Variants in PRKCB observed in about 807,000 individuals in gnomAD.
The protein encoded by PRKCB is protein kinase C beta type.
A neutral mutation model predicts 81.5 loss-of-function variants in PRKCB; 13 were observed. The observed-to-expected ratio is 0.16, with a 90% CI of 0.10 to 0.25. The LOEUF is 0.25. Ranked by LOEUF, PRKCB falls within the 10% of genes least tolerant of loss-of-function variation. PRKCB has a pLI of 1.00. For missense variants in PRKCB, 509 were observed against 875.7 expected, an observed-to-expected ratio of 0.58 and a Z score of 5.29; for synonymous variants, 335 against 321.4, an observed-to-expected ratio of 1.04 and a Z score of -0.45.
intron 5 of PRKCB, among the ~76,000 whole-genome samples, chr16:24,044,815 G>C (rs915530233): frequency 6.6e-6 from 1 of 152,222 alleles, no homozygotes; most frequent in African/African-American, 2.4e-5. Context: ...CCTTGAACTA[G>C]AGGAACATCT....
rs536622842 is a variant in PRKCB at position 24,215,526 on chromosome 16, C to T, written c.*710C>T. 46 of 985,712 alleles carry T rather than the reference C, an allele frequency of 4.7e-5. No individual in the cohort carries two copies. In the East Asian group the frequency reaches 3.7e-3, roughly 80 times the overall value. 61.1% of individuals were successfully genotyped at this position (985,712 alleles called of 1,614,324 possible). A position where few individuals can be genotyped will look rare whatever the true frequency, so the allele number is the denominator to read the frequency against. ...AACTACTTGAAAAGGGCATTTGGCA[C>T]CACTCTCTGAAACAACACAGTCACT... On this transcript the variant is annotated 3_prime_UTR_variant, in exon 17 of 17. Coordinates refer to ENST00000643927, the MANE Select transcript of PRKCB (RefSeq NM_002738.7).
chr16:24,019,303 C>A (rs1245487354), intron 3 of PRKCB, among the ~76,000 whole-genome samples: 1 of 151,858 alleles, frequency 6.6e-6, no homozygotes, highest in Non-Finnish European at 1.5e-5. Context: ...ATGATCTCGC[C>A]ACTGTGCTCC....
chr16:24,209,228 A>G (rs956645913), intron 16 of PRKCB, among the ~76,000 whole-genome samples: 1 of 152,114 alleles, frequency 6.6e-6, no homozygotes, highest in African/African-American at 2.4e-5. Context: ...AAAAACACGC[A>G]CGGGTCTGCC....
At chr16:24,149,387 A>G (rs539982017) in intron 9 of PRKCB, among the ~76,000 whole-genome samples, 56 of 152,226 alleles carry the variant, frequency 3.7e-4, no homozygotes, top group Non-Finnish European at 7.5e-4. Flanking sequence ...AGAGATTTAT[A>G]TCGAAAATGA....
At chr16:23,984,042 T>C (rs1325293950) in intron 2 of PRKCB, among the ~76,000 whole-genome samples, 2 of 152,204 alleles carry the variant, frequency 1.3e-5, no homozygotes, top group African/African-American at 2.4e-5. Flanking sequence ...AGAAACTTGA[T>C]ACAATGATGG....
intron 3 of PRKCB, among the ~76,000 whole-genome samples, chr16:24,005,267 A>C (rs1965102546): frequency 6.6e-6 from 1 of 152,052 alleles, no homozygotes; most frequent in Non-Finnish European, 1.5e-5. Context: ...GTCAGGTATG[A>C]TAGATTTAAA....
At chr16:24,145,698 C>T (rs1237019010) in intron 9 of PRKCB, among the ~76,000 whole-genome samples, 1 of 152,178 alleles carries the variant, frequency 6.6e-6, no homozygotes, top group Non-Finnish European at 1.5e-5. Flanking sequence ...ATCTTGGGTC[C>T]CTGGCTGTCT....
At chr16:24,181,330 G>A (rs1484949404) in intron 13 of PRKCB, among the ~76,000 whole-genome samples, 2 of 152,152 alleles carry the variant, frequency 1.3e-5, no homozygotes, top group Non-Finnish European at 2.9e-5. Context: ...ATGTCCCTCA[G>A]CAGGAAAATG....
intron 9 of PRKCB, among the ~76,000 whole-genome samples, chr16:24,147,410 C>T (rs1025814136): frequency 6.6e-6 from 1 of 151,974 alleles, no homozygotes; most frequent in Admixed American, 6.5e-5. Context: ...GGGCACATCA[C>T]CAGTGCCTAG....
chr16:24,006,583 T>C (rs1250767832), intron 3 of PRKCB, among the ~76,000 whole-genome samples: 1 of 152,196 alleles, frequency 6.6e-6, no homozygotes, highest in Non-Finnish European at 1.5e-5. Context: ...GGAAAGGAAT[T>C]CATTGGAAAA....
At chr16:23,843,464 G>A (rs1467654002) in intron 2 of PRKCB, among the ~76,000 whole-genome samples, 3 of 152,014 alleles carry the variant, frequency 2.0e-5, no homozygotes, top group Admixed American at 6.6e-5. Flanking sequence ...ACCTGACGGG[G>A]GATTTCAGGC....
chr16:24,168,979 G>A (rs960115230), intron 10 of PRKCB, among the ~76,000 whole-genome samples: 1 of 152,050 alleles, frequency 6.6e-6, no homozygotes, highest in African/African-American at 2.4e-5. Flanking sequence ...TACTCAGGCA[G>A]TATTGCCAGG....
chr16:24,156,918 G>T (rs1967169594), intron 10 of PRKCB, among the ~76,000 whole-genome samples: 1 of 152,198 alleles, frequency 6.6e-6, no homozygotes, highest in Non-Finnish European at 1.5e-5. Flanking sequence ...GGGACCTTGT[G>T]CCCAGCATAG....
At chr16:23,907,736 G>GT (rs1257762069) in intron 2 of PRKCB, among the ~76,000 whole-genome samples, 1 of 152,174 alleles carries the variant, frequency 6.6e-6, no homozygotes, top group Non-Finnish European at 1.5e-5. Flanking sequence ...TGGGGAAAGG[G>GT]TGGAACCATA....
chr16:23,847,525 C>A (rs902961943), intron 2 of PRKCB, among the ~76,000 whole-genome samples: 1 of 149,318 alleles, frequency 6.7e-6, no homozygotes, highest in African/African-American at 2.5e-5. Context: ...CCCATCCACC[C>A]AGCTATTCTT....
chr16:24,194,069 G>A lies in PRKCB; in HGVS notation c.1863+2839G>A, dbSNP rs540488570. Among the ~76,000 whole-genome samples the A allele has an allele frequency of 1.8e-3, 278 of 152,250 alleles. 3 individuals are homozygous for A. The highest frequency in any genetic ancestry group is 0.017 in the Middle Eastern group (5 of 294). Reference sequence around the variant, plus strand: ...TGGCTGGGTATAGTGGCTCACACCCGTAATCCCAGCACTTTGGGAGGCTGA... The same window carrying A: ...TGGCTGGGTATAGTGGCTCACACCCATAATCCCAGCACTTTGGGAGGCTGA... On this transcript the variant is annotated intron_variant, in intron 16 of 16. Coordinates refer to ENST00000643927, the MANE Select transcript of PRKCB (RefSeq NM_002738.7).
intron 2 of PRKCB, among the ~76,000 whole-genome samples, chr16:23,927,031 C>T (rs1181865964): frequency 1.3e-5 from 2 of 152,130 alleles, no homozygotes; most frequent in Admixed American, 6.5e-5. Flanking sequence ...CAGGCGTAGC[C>T]TCTGCTATTA....
At chr16:23,840,609 C>G (rs534868704) in intron 2 of PRKCB, among the ~76,000 whole-genome samples, 128 of 152,030 alleles carry the variant, frequency 8.4e-4, no homozygotes, top group Non-Finnish European at 1.5e-3. Context: ...GTTTCCATTT[C>G]AAAAATACAA....
intron 2 of PRKCB, among the ~76,000 whole-genome samples, chr16:23,844,080 A>G (rs1597205653): frequency 6.6e-6 from 1 of 152,244 alleles, no homozygotes; most frequent in East Asian, 1.9e-4. Flanking sequence ...TACTAAGTAT[A>G]ATTTAAAATA....
Sources: allele counts gnomAD v4.1 joint callset (sites outside exome capture counted in the v4.1 genomes callset), GRCh38; gene constraint gnomAD v4.1.1; transcripts MANE v1.5; gene names NCBI Gene and HGNC (gene_info 2026-07-23, HGNC 2026-07-21).